PTRH1: variants seen among roughly 807,000 people sequenced by gnomAD.
PTRH1 encodes the protein peptidyl-tRNA hydrolase 1 homolog.
In PTRH1, 13 loss-of-function variants were observed where a neutral mutation model predicts 15.7. The observed-to-expected ratio is 0.83, with a 90% CI of 0.54 to 1.31. The LOEUF (loss-of-function observed/expected upper bound fraction) is 1.31, where lower values mean the gene tolerates loss of function less well. Among genes scored for constraint, PTRH1 ranks in the 40% most tolerant of loss-of-function variants. The probability of loss-of-function intolerance (pLI) is 0.00; values close to 1 mark genes in which losing one functional copy is unlikely to be tolerated. For synonymous variants in PTRH1, 139 were observed against 136.7 expected (o/e 1.02, Z -0.12); for missense variants, 319 against 296.2 (o/e 1.08, Z -0.56).
intron 1 of PTRH1, among the ~76,000 whole-genome samples, chr9:127,706,231 C>T (rs1431006075): frequency 1.3e-5 from 2 of 152,140 alleles, no homozygotes; most frequent in Non-Finnish European, 2.9e-5. Flanking sequence ...GTAAAAATGC[C>T]CCCACCTCCC....
downstream of PTRH1, chr9:127,709,329 C>T (rs575305593): frequency 1.3e-5 from 18 of 1,346,876 alleles, 1 homozygote; most frequent in East Asian, 9.9e-5. This position sits in a 1 kb window ranked among gnomAD's most constrained non-coding sequence, Gnocchi z 4.7. Context: ...TGCCCCTTTA[C>T]GGGACAGGGA....
chr9:127,704,907 C>G (rs1842631142), intron 1 of PTRH1, among the ~76,000 whole-genome samples: 1 of 152,040 alleles, frequency 6.6e-6, no homozygotes, highest in African/African-American at 2.4e-5. Context: ...TGCCACCAGG[C>G]CTGGTTAATT....
At chr9:127,694,868 T>C (rs2131573140) in intron 2 of PTRH1, 2 of 651,610 alleles carry the variant, frequency 3.1e-6, no homozygotes, top group Non-Finnish European at 2.8e-6. Flanking sequence ...CCATCTCTTC[T>C]GGGTACAGGA....
downstream of PTRH1, chr9:127,711,897 G>A: frequency 6.2e-7 from 1 of 1,600,300 alleles, no homozygotes; most frequent in Non-Finnish European, 8.5e-7. Flanking sequence ...GCCTCCTGCT[G>A]AGCCAGTTGG....
At chr9:127,700,663 C>T (rs1204568071) in intron 1 of PTRH1, among the ~76,000 whole-genome samples, 2 of 152,176 alleles carry the variant, frequency 1.3e-5, no homozygotes, top group Non-Finnish European at 2.9e-5. Flanking sequence ...AACAGGACCT[C>T]GGGCCATGGC....
At chr9:127,704,989 C>G (rs1842631851) in intron 1 of PTRH1, among the ~76,000 whole-genome samples, 1 of 151,864 alleles carries the variant, frequency 6.6e-6, no homozygotes, top group African/African-American at 2.4e-5. Flanking sequence ...CTTAAGTGAT[C>G]CTCCCACCTT....
downstream of PTRH1, chr9:127,709,651 C>T: frequency 6.2e-7 from 1 of 1,613,744 alleles, no homozygotes; most frequent in Non-Finnish European, 8.5e-7. This position sits in a 1 kb window ranked among gnomAD's most constrained non-coding sequence, Gnocchi z 4.7. Flanking sequence ...CCACGAGTTC[C>T]AGGAGACCAA....
At chr9:127,698,006 C>CA (rs1842575324) in intron 1 of PTRH1, among the ~76,000 whole-genome samples, 1 of 152,166 alleles carries the variant, frequency 6.6e-6, no homozygotes, top group South Asian at 2.1e-4. Context: ...AAGGCAGTCT[C>CA]AGAGTGGGAA....
chr9:127,706,978 C>T, intron 1 of PTRH1: 3 of 1,598,118 alleles, frequency 1.9e-6, no homozygotes, highest in Non-Finnish European at 2.6e-6. Flanking sequence ...GACCAGCTTC[C>T]TTAGCAACCA....
At chr9:127,709,597 G>T, downstream of PTRH1, 1 of 1,614,064 alleles carries the variant, frequency 6.2e-7, no homozygotes, top group South Asian at 1.1e-5. The surrounding 1 kb of genome is among the most constrained non-coding windows in gnomAD (Gnocchi z 4.7). Context: ...GCTAGCCAAA[G>T]AGATGGAGAA....
chr9:127,710,247 C>T (rs1211433693), downstream of PTRH1, among the ~76,000 whole-genome samples: 1 of 147,792 alleles, frequency 6.8e-6, no homozygotes, highest in East Asian at 2.0e-4. Context: ...TGTGCCACTG[C>T]ACTCCAGCCT....
At chr9:127,712,393 G>A (rs1842787743), downstream of PTRH1, 7 of 1,606,572 alleles carry the variant, frequency 4.4e-6, no homozygotes, top group African/African-American at 1.3e-5. Flanking sequence ...GAGGGGGAGT[G>A]AGCGCAAGAT....
intron 1 of PTRH1, among the ~76,000 whole-genome samples, chr9:127,703,301 C>A (rs1195919913): frequency 2.0e-5 from 3 of 151,914 alleles, no homozygotes; most frequent in Admixed American, 6.6e-5. Flanking sequence ...CAAAAATTAG[C>A]TGGGTATGGT....
intron 1 of PTRH1, among the ~76,000 whole-genome samples, chr9:127,704,023 G>A (rs557884148): frequency 1.9e-4 from 29 of 152,316 alleles, no homozygotes; most frequent in African/African-American, 6.7e-4. Flanking sequence ...GCCAGACTAG[G>A]AGCTGGGAGG....
At chr9:127,711,437 C>G (rs1317223386), downstream of PTRH1, 2 of 1,614,102 alleles carry the variant, frequency 1.2e-6, no homozygotes, top group Admixed American at 1.7e-5. Flanking sequence ...GTGCAAACAG[C>G]TGGAGCTGCT....
intron 1 of PTRH1, among the ~76,000 whole-genome samples, chr9:127,704,643 T>C (rs1380518289): frequency 1.3e-5 from 2 of 152,188 alleles, no homozygotes; most frequent in South Asian, 2.1e-4. Context: ...CCTCTTAGAC[T>C]GGAGCTTAAC....
chr9:127,715,639 T>TGCTGCCCCCATTCACTCCGAC lies in PTRH1; in HGVS notation c.-21_-1dup, dbSNP rs905944516. ...GCGCCCAAAAAGCCGCCCGGCCTCATGCTGCCCCCATTCACTCCGACACCG... is the reference window on the plus strand; with the variant it reads ...GCGCCCAAAAAGCCGCCCGGCCTCATGCTGCCCCCATTCACTCCGACGCTGCCCCCATTCACTCCGACACCG... On this transcript the variant is annotated 5_prime_UTR_variant, in exon 1 of 5. Coordinates refer to ENST00000543175, the MANE Select transcript of PTRH1 (RefSeq NM_001002913.3). This position sits in a 1 kb window ranked among gnomAD's most constrained non-coding sequence, Gnocchi z 5.8. 23 of 1,611,594 alleles carry TGCTGCCCCCATTCACTCCGAC rather than the reference T, an allele frequency of 1.4e-5. No individual in the cohort carries two copies. Among genetic ancestry groups the TGCTGCCCCCATTCACTCCGAC allele is most frequent in the Non-Finnish European group, 1.9e-5 (23 of 1,179,758 alleles).
In PTRH1 at chr9:127,694,933, TA is replaced by T; in HGVS notation, c.413del (p.Leu138Ter). 1 of 698,736 alleles carries T rather than the reference TA, an allele frequency of 1.4e-6. No individual in the cohort carries two copies. Among genetic ancestry groups the T allele is most frequent in the Non-Finnish European group, 2.6e-6 (1 of 381,584 alleles). The allele number at this position is 698,736 out of a possible 1,614,324, so 43.3% of individuals were successfully genotyped here. A position where few individuals can be genotyped will look rare whatever the true frequency, so the allele number is the denominator to read the frequency against. ...GACTTCAGCATCAGCATACCTGGGT[TA>T]AATCCACCCTTGGCCTCTTTCCACA... On this transcript the variant is annotated frameshift_variant, in exon 2 of 3. Coordinates refer to the PTRH1 transcript ENST00000335223. LOFTEE classifies it low-confidence loss of function (END_TRUNC).
chr9:127,714,251 C>T lies in PTRH1; in HGVS notation c.494G>A (p.Arg165His), dbSNP rs111378450. ...CTGAACCGCCTCAGGGTGCGCCGGG[C>T]GCCCGATACCCACCCGCAGCCTTGG... The part of the protein sequence containing the change: ...AMPRLRVGIG[R>H]PAHPEAVQAH... Residue 165 changes from arginine to histidine, a missense_variant, in exon 5 of 5, where the codon CGC becomes CAC. By Grantham distance (29) the Arg-to-His change is conservative (BLOSUM62 0). Coordinates refer to ENST00000543175, the MANE Select transcript of PTRH1 (RefSeq NM_001002913.3). 1.0e-4 allele frequency: 163 copies of T among 1,613,834 alleles called. No homozygotes were observed. Among genetic ancestry groups the T allele is most frequent in the Non-Finnish European group, 1.3e-4 (158 of 1,179,994 alleles).
Sources: allele counts gnomAD v4.1 joint callset (sites outside exome capture counted in the v4.1 genomes callset), GRCh38; gene constraint gnomAD v4.1.1; non-coding constraint Gnocchi (gnomAD v3.1); transcripts MANE v1.5; gene names NCBI Gene and HGNC (gene_info 2026-07-23, HGNC 2026-07-21).